Variants in LSR observed in about 807,000 individuals in gnomAD.
The protein encoded by LSR is lipolysis-stimulated lipoprotein receptor.
Under a neutral mutation model 61.8 loss-of-function variants are expected in LSR, and 44 were observed. The ratio of observed to expected loss-of-function variants is 0.71; its 90% CI spans 0.56 to 0.91. LSR has a LOEUF of 0.91. LSR is among the 40% of genes least tolerant of loss of function. The probability of loss-of-function intolerance (pLI) is 0.00; values close to 1 mark genes in which losing one functional copy is unlikely to be tolerated. For synonymous variants in LSR, 397 were observed against 350.6 expected (o/e 1.13, Z -1.48); for missense variants, 911 against 830.5 (o/e 1.10, Z -1.19).
chr19:35,258,817 G>A, intron 2 of LSR, 128 bp from the exon 3 acceptor site: 2 of 1,158,682 alleles, frequency 1.7e-6, no homozygotes, highest in Non-Finnish European at 1.3e-6. Context: ...ATATGCATTT[G>A]ATCATCTGCA....
Position 35,267,687 on chromosome 19 carries a change from T to C in LSR, c.1723T>C (p.Tyr575His), listed in dbSNP as rs1409010318. The C allele has an allele frequency of 1.2e-6, 2 of 1,602,514 alleles. No homozygotes were observed. Among genetic ancestry groups the C allele is most frequent in the South Asian group, 2.2e-5 (2 of 90,426 alleles). The change falls in exon 9 of 10, where the codon TAC becomes CAC. Residue 575 changes from tyrosine (Y) to histidine (H), a missense_variant. Transcript: ENST00000605618. ...EAYYPPAPPP[Y>H]SETDSQASRE... The stretch of plus-strand genomic sequence containing the variant: ...CTACTACCCGCCCGCGCCGCCCCCG[T>C]ACTCGGAGACCGACTCGCAGGCGTC...
At position 35,267,310 on chromosome 19, in the gene LSR, T is replaced by A. The variant is rs747857245; in HGVS notation, c.1346T>A (p.Leu449Gln). ...RRPRARSVDALDDLTPPSTAE... is the reference protein window; with the variant it reads ...RRPRARSVDAQDDLTPPSTAE... ...CCCCGGGCCCGCTCCGTGGACGCCCTGGACGACCTCACCCCGCCGAGCACC... is the reference window on the plus strand; with the variant it reads ...CCCCGGGCCCGCTCCGTGGACGCCCAGGACGACCTCACCCCGCCGAGCACC... Residue 449 changes from leucine to glutamine, a missense_variant, in exon 9 of 10, where the codon CTG (leucine) becomes CAG (glutamine). Physicochemically the swap from Leu to Gln is moderately radical, Grantham distance 113. Transcript: ENST00000605618. The A allele has an allele frequency of 1.6e-5, 25 of 1,551,836 alleles. No homozygotes were observed. Among genetic ancestry groups the A allele is most frequent in the Non-Finnish European group, 2.2e-5 (25 of 1,148,866 alleles).
intron 2 of LSR, chr19:35,253,199 A>C (rs902337408): frequency 6.6e-6 from 1 of 152,232 alleles, no homozygotes; most frequent in Non-Finnish European, 1.5e-5. Context: ...GGGCGCCTGT[A>C]ATCCCAGCTA....
intron 3 of LSR, among the ~76,000 whole-genome samples, chr19:35,260,842 A>C (rs1035888539): frequency 6.6e-6 from 1 of 151,958 alleles, no homozygotes; most frequent in Non-Finnish European, 1.5e-5. Context: ...AAACACACAC[A>C]CACACACACA....
At chr19:35,253,877 C>T (rs984214482) in intron 2 of LSR, among the ~76,000 whole-genome samples, 1 of 152,198 alleles carries the variant, frequency 6.6e-6, no homozygotes, top group Non-Finnish European at 1.5e-5. Flanking sequence ...CCCCCAGGCT[C>T]TGTCTCGGGG....
Position 35,251,541 on chromosome 19 carries a change from G to A in LSR, c.454+882G>A, listed in dbSNP as rs139115019. 8.0e-4 allele frequency: 122 copies of A among 152,326 alleles called. 1 individual carries two copies. The highest frequency in any genetic ancestry group is 2.5e-3 in the African/African-American group (105 of 41,560). The allele number at this position is 152,326 out of a possible 1,614,324, so 9.4% of individuals were successfully genotyped here. A position where few individuals can be genotyped will look rare whatever the true frequency, so the allele number is the denominator to read the frequency against. ...CTTGCCTAGTGTCATAGCTGGTAAC[G>A]GGGCTGGGATTCTAACTCAGCCACT... On this transcript the variant is annotated intron_variant, in intron 2 of 9. Coordinates refer to ENST00000605618, the MANE Select transcript of LSR (RefSeq NM_205834.4).
intron 3 of LSR, among the ~76,000 whole-genome samples, chr19:35,260,850 A>T (rs910535136): frequency 2.0e-5 from 3 of 151,990 alleles, no homozygotes; most frequent in African/African-American, 7.3e-5. Context: ...ACACACACAC[A>T]CACACGCATA....
chr19:35,251,921 G>A (rs536916015), intron 2 of LSR, among the ~76,000 whole-genome samples: 22 of 143,850 alleles, frequency 1.5e-4, no homozygotes, highest in Admixed American at 1.3e-3. Context: ...TGCAAGCTCC[G>A]CCTCCCGGGT....
intron 5 of LSR, among the ~76,000 whole-genome samples, chr19:35,265,153 C>T (rs1356864923): frequency 6.6e-6 from 1 of 152,214 alleles, no homozygotes; most frequent in Non-Finnish European, 1.5e-5. Context: ...CATCCCCTCC[C>T]TCTTGTTGTG....
rs186274617 is a variant in LSR at position 35,264,434 on chromosome 19, T to G, written c.778+1742T>G. Reference sequence around the variant, plus strand: ...ACTTTCACAGAGGAGCTGATTGACGTGGTCACAGCCATCAGCCTTGGGACA... The same window carrying G: ...ACTTTCACAGAGGAGCTGATTGACGGGGTCACAGCCATCAGCCTTGGGACA... On this transcript the variant is annotated intron_variant, in intron 5 of 9. Coordinates refer to ENST00000605618, the MANE Select transcript of LSR (RefSeq NM_205834.4). The G allele has an allele frequency of 5.2e-3, 793 of 152,342 alleles. 4 individuals carry two copies. Among genetic ancestry groups the G allele is most frequent in the Non-Finnish European group, 8.9e-3 (603 of 68,042 alleles). 9.4% of individuals were successfully genotyped at this position (152,342 alleles called of 1,614,324 possible).
rs201712887 is a variant in LSR at position 35,256,233 on chromosome 19, C to CA, written c.455-2696dup. ...TGGGCAACAGAGCGAGACTCCATCT[C>CA]AAAAAAAAAAAAAAAATTAAGAGCT... is the stretch of plus-strand genomic sequence containing the variant. On this transcript the variant is annotated intron_variant, in intron 2 of 9. Coordinates refer to ENST00000605618, the MANE Select transcript of LSR (RefSeq NM_205834.4). Among the ~76,000 whole-genome samples the CA allele has an allele frequency of 9.5e-3, 978 of 102,530 alleles. 6 individuals carry two copies. Among genetic ancestry groups the CA allele is most frequent in the Admixed American group, 0.018 (186 of 10,246 alleles). The allele number at this position is 102,530 out of a possible 152,430, so 67.3% of individuals were successfully genotyped here. A position where few individuals can be genotyped will look rare whatever the true frequency, so the allele number is the denominator to read the frequency against.
At chr19:35,254,520 C>G (rs949827832) in intron 2 of LSR, among the ~76,000 whole-genome samples, 7 of 152,224 alleles carry the variant, frequency 4.6e-5, no homozygotes, top group Non-Finnish European at 7.3e-5. Context: ...TGGACCAGCA[C>G]CTGGACAGGA....
chr19:35,252,454 G>C (rs1470717470), intron 2 of LSR, among the ~76,000 whole-genome samples: 3 of 151,678 alleles, frequency 2.0e-5, no homozygotes, highest in African/African-American at 7.3e-5. Flanking sequence ...TTCCAGACCA[G>C]CCTGGCCAAC....
chr19:35,260,882 G>A (rs1393481737), intron 3 of LSR, among the ~76,000 whole-genome samples: 3 of 152,116 alleles, frequency 2.0e-5, no homozygotes, highest in Non-Finnish European at 4.4e-5. Flanking sequence ...GCATCAGGGC[G>A]ATGATGGCAT....
In LSR at chr19:35,259,035, A is replaced by G. The variant is rs1277990436; in HGVS notation, c.545A>G (p.Asn182Ser). 1.9e-6 allele frequency: 3 copies of G among 1,613,886 alleles called. No individual in the cohort carries two copies. The highest frequency in any genetic ancestry group is 2.7e-5 in the African/African-American group (2 of 74,896). Residue 182 changes from asparagine (N) to serine (S), a missense_variant, in exon 3 of 10, where the codon AAT becomes AGT. Physicochemically the swap from Asn to Ser is conservative, Grantham distance 46 (BLOSUM62 1). Coordinates refer to ENST00000605618, the MANE Select transcript of LSR (RefSeq NM_205834.4). ...VVSAQDLQGN[N>S]EAYAELIVLG... Reference sequence around the variant, plus strand: ...TCAGCCCAGGACCTCCAGGGGAACAATGAGGCCTACGCAGAGCTCATCGTC... The same window carrying G: ...TCAGCCCAGGACCTCCAGGGGAACAGTGAGGCCTACGCAGAGCTCATCGTC...
At chr19:35,251,948 C>G (rs1178837925) in intron 2 of LSR, among the ~76,000 whole-genome samples, 1 of 148,226 alleles carries the variant, frequency 6.7e-6, no homozygotes, top group Non-Finnish European at 1.5e-5. Context: ...CATTCTCCTG[C>G]CTCAGCCTCC....
chr19:35,267,838 T>C lies in LSR; in HGVS notation c.1785T>C (p.Ser595=). 1 of 1,613,552 alleles carries C rather than the reference T, an allele frequency of 6.2e-7. No individual in the cohort carries two copies. The highest frequency in any genetic ancestry group is 8.5e-7 in the Non-Finnish European group (1 of 1,179,884). Residue 595 remains serine, a synonymous_variant, in exon 10 of 10, where the codon AGT becomes AGC. Transcript: ENST00000605618. ...CTCCCTTGCAGAACTTGGCCCTGAGTCGGGAAAGTTTAGTCGTCTGATCTG... is the reference window on the plus strand; with the variant it reads ...CTCCCTTGCAGAACTTGGCCCTGAGCCGGGAAAGTTTAGTCGTCTGATCTG... ...ERRLKKNLAL[S]RESLVV
In LSR at chr19:35,250,447, A is replaced by C. The variant is rs1356029763; in HGVS notation, c.242A>C (p.Lys81Thr). The C allele has an allele frequency of 6.2e-7, 1 of 1,614,038 alleles. No individual in the cohort carries two copies. Among genetic ancestry groups the C allele is most frequent in the Admixed American group, 1.7e-5 (1 of 60,010 alleles). ...CAACCCATCGTCATCTGGAAGTACAAGTCTTTCTGCCGGGACCGCATCGCC... is the reference window on the plus strand; with the variant it reads ...CAACCCATCGTCATCTGGAAGTACACGTCTTTCTGCCGGGACCGCATCGCC... ...PTQPIVIWKY[K>T]SFCRDRIADA... Residue 81 changes from lysine to threonine, a missense_variant, in exon 2 of 10, where the codon AAG (lysine) becomes ACG (threonine). Coordinates refer to ENST00000605618, the MANE Select transcript of LSR (RefSeq NM_205834.4).
In LSR at chr19:35,267,560, G is replaced by C; in HGVS notation, c.1596G>C (p.Arg532Ser). 1 of 1,612,342 alleles carries C rather than the reference G, an allele frequency of 6.2e-7. No homozygotes were observed. Among genetic ancestry groups the C allele is most frequent in the Non-Finnish European group, 8.5e-7 (1 of 1,179,762 alleles). Residue 532 changes from arginine to serine, a missense_variant, in exon 9 of 10, where the codon AGG becomes AGC. By Grantham distance (110) the Arg-to-Ser change is moderately radical (BLOSUM62 -1). Coordinates refer to ENST00000605618, the MANE Select transcript of LSR (RefSeq NM_205834.4). ...RTRDPRDNGS[R>S]SGDLPYDGRL... ...GGGACCCTCGGGACAACGGCTCCAG[G>C]TCCGGGGACCTCCCCTATGATGGGC...
Sources: allele counts gnomAD v4.1 joint callset (sites outside exome capture counted in the v4.1 genomes callset), GRCh38; gene constraint gnomAD v4.1.1; transcripts MANE v1.5; gene names NCBI Gene and HGNC (gene_info 2026-07-23, HGNC 2026-07-21).